FER1L6: variants seen among roughly 807,000 people sequenced by gnomAD.
FER1L6 encodes the protein fer-1 like family member 6.
Under a neutral mutation model 219.2 loss-of-function variants are expected in FER1L6, and 177 were observed. The observed-to-expected ratio is 0.81, with a 90% CI of 0.71 to 0.91. The LOEUF (loss-of-function observed/expected upper bound fraction) is 0.91. FER1L6 is among the 40% of genes least tolerant of loss of function. The pLI is 0.00. For missense variants in FER1L6, 2,153 were observed against 2,259.9 expected (o/e 0.95, Z 0.96); for synonymous variants, 768 against 824.3 (o/e 0.93, Z 1.17).
chr8:124,075,827 C>T (rs922082873), intron 31 of FER1L6, among the ~76,000 whole-genome samples: 1 of 152,168 alleles, frequency 6.6e-6, no homozygotes, highest in Non-Finnish European at 1.5e-5. Context: ...CATCATTAAG[C>T]GGTGCGTGAC....
At position 124,097,370 on chromosome 8, in the gene FER1L6, T is replaced by C. The variant is rs1383730863; in HGVS notation, c.4784+11T>C. 1.3e-6 allele frequency: 2 copies of C among 1,589,198 alleles called. No homozygotes were observed. Among genetic ancestry groups the C allele is most frequent in the Admixed American group, 3.4e-5 (2 of 59,536 alleles). ...AAGGCGACCCAAAGGGTATGTCAGC[T>C]GTAGCCCCAGCTTCAGGGGAAGAGA... is the stretch of plus-strand genomic sequence containing the variant. On this transcript the variant is annotated intron_variant, in intron 36 of 40. Transcript: ENST00000522917.
At chr8:124,092,241 T>C (rs552686814) in intron 34 of FER1L6, among the ~76,000 whole-genome samples, 3 of 152,346 alleles carry the variant, frequency 2.0e-5, no homozygotes, top group African/African-American at 7.2e-5. Context: ...TATGCCTTTT[T>C]ACGGTTATGC....
intron 1 of FER1L6, among the ~76,000 whole-genome samples, chr8:123,861,252 T>C (rs1816739871): frequency 2.5e-5 from 3 of 117,846 alleles, no homozygotes; most frequent in African/African-American, 1.1e-4. Context: ...CTTTCCCCAT[T>C]GCTTGTTTTT....
chr8:123,984,562 C>G (rs889520532), intron 11 of FER1L6: 7 of 152,070 alleles, frequency 4.6e-5, no homozygotes, highest in African/African-American at 1.7e-4. Flanking sequence ...TTAACCTCCT[C>G]CTAGAGAGTA....
chr8:123,905,246 C>T (rs1020884629), intron 1 of FER1L6, among the ~76,000 whole-genome samples: 3 of 152,184 alleles, frequency 2.0e-5, no homozygotes, highest in South Asian at 2.1e-4. Context: ...CCCCCCAACA[C>T]CCCTGGCAGG....
rs1489037396 is a variant in FER1L6, at chr8:124,101,349, G to T, written c.5125+11G>T. ...CAGATGACTTCCTGGGTAAGCCAGT[G>T]GCTTCATCAAGCACATATTAATGTT... is the stretch of plus-strand genomic sequence containing the variant. On this transcript the variant is annotated intron_variant, in intron 38 of 40. Coordinates refer to ENST00000522917, the MANE Select transcript of FER1L6 (RefSeq NM_001039112.2). 1.2e-6 allele frequency: 2 copies of T among 1,609,674 alleles called. No individual in the cohort carries two copies. The highest frequency in any genetic ancestry group is 3.3e-5 in the Admixed American group (2 of 59,840).
intron 5 of FER1L6, among the ~76,000 whole-genome samples, chr8:123,967,031 G>A (rs891452287): frequency 1.4e-5 from 2 of 147,944 alleles, no homozygotes; most frequent in African/African-American, 5.1e-5. Context: ...TCAGTGAGCC[G>A]AGATCGTGCC....
chr8:123,883,960 T>TG lies in FER1L6; in HGVS notation c.-8+31781dup, dbSNP rs1171789184. 1.3e-4 allele frequency among the ~76,000 whole-genome samples: 20 copies of TG among 152,332 alleles called. No individual in the cohort carries two copies. The East Asian group carries it at 3.9e-3, about 29-fold the overall frequency. On this transcript the variant is annotated intron_variant, in intron 1 of 40. Coordinates refer to ENST00000522917, the MANE Select transcript of FER1L6 (RefSeq NM_001039112.2). ...TAATTAAGTTTCAACTTGTGAATTT[T>TG]GGGGGGACACATTCAGAGCATGACA...
rs370236138 is a variant in FER1L6 at position 123,854,646 on chromosome 8, A to G, written c.-8+2461A>G. 2.0e-4 allele frequency among the ~76,000 whole-genome samples: 30 copies of G among 152,270 alleles called. No individual in the cohort carries two copies. In the East Asian group the frequency reaches 4.6e-3, roughly 24 times the overall value. The stretch of plus-strand genomic sequence containing the variant: ...TCCCTTTATTACCAAGGGTGTCTTC[A>G]CAGGCCCTTCTCATTTTGTCTAAGC... On this transcript the variant is annotated intron_variant, in intron 1 of 40. Coordinates refer to ENST00000522917, the MANE Select transcript of FER1L6 (RefSeq NM_001039112.2).
intron 26 of FER1L6, among the ~76,000 whole-genome samples, chr8:124,065,240 A>C (rs1447257989): frequency 6.6e-6 from 1 of 151,844 alleles, no homozygotes; most frequent in Non-Finnish European, 1.5e-5. Flanking sequence ...CTAAAAAAAA[A>C]AATACAAAAA....
rs117231989 is a variant in FER1L6, at chr8:123,906,790, A to G, written c.-7-49202A>G. Among the ~76,000 whole-genome samples the G allele has an allele frequency of 5.0e-3, 729 of 145,988 alleles. 2 individuals are homozygous for G. The highest frequency in any genetic ancestry group is 0.017 in the Middle Eastern group (5 of 292). On this transcript the variant is annotated intron_variant, in intron 1 of 40. Transcript: ENST00000522917. Reference sequence around the variant, plus strand: ...ACTCTAGCCTGCTGGGTAATAGAGCAAGACTTCATCTCCGGAAGAAAAAAA... The same window carrying G: ...ACTCTAGCCTGCTGGGTAATAGAGCGAGACTTCATCTCCGGAAGAAAAAAA...
At chr8:123,964,811 G>C (rs985413145) in intron 3 of FER1L6, among the ~76,000 whole-genome samples, 19 of 152,114 alleles carry the variant, frequency 1.2e-4, no homozygotes, top group African/African-American at 4.6e-4. Context: ...TGTGTACCCT[G>C]GTCCTCAAGA....
At chr8:124,034,931 C>T (rs1202275194) in intron 18 of FER1L6, among the ~76,000 whole-genome samples, 2 of 152,200 alleles carry the variant, frequency 1.3e-5, no homozygotes, top group Admixed American at 6.5e-5. Flanking sequence ...CCATCACAGG[C>T]AACTTACTTT....
intron 19 of FER1L6, among the ~76,000 whole-genome samples, chr8:124,037,043 G>A (rs1819248561): frequency 6.6e-6 from 1 of 152,210 alleles, no homozygotes; most frequent in Admixed American, 6.5e-5. Flanking sequence ...TAAAAAGCAA[G>A]CCATAGCACA....
chr8:124,032,902 A>T (rs1354428787), intron 18 of FER1L6, among the ~76,000 whole-genome samples: 2 of 152,260 alleles, frequency 1.3e-5, no homozygotes, highest in African/African-American at 2.4e-5. Flanking sequence ...GAGAAATCAG[A>T]TTCTCAAAAT....
intron 31 of FER1L6, among the ~76,000 whole-genome samples, chr8:124,073,611 C>A (rs1038850701): frequency 1.2e-4 from 18 of 151,910 alleles, no homozygotes; most frequent in Non-Finnish European, 2.5e-4. Flanking sequence ...CCATTTTTTT[C>A]TAGATTAGTA....
Position 124,049,683 on chromosome 8 carries a change from G to C in FER1L6, c.2801G>C (p.Arg934Thr), listed in dbSNP as rs762771706. 1.9e-6 allele frequency: 3 copies of C among 1,614,062 alleles called. No homozygotes were observed. The highest frequency in any genetic ancestry group is 1.7e-6 in the Non-Finnish European group (2 of 1,180,000). Reference protein sequence around the residue: ...KLADQDYEPPRLCYHPIFCGN... With the variant: ...KLADQDYEPPTLCYHPIFCGN... ...GCTGACCAGGACTATGAGCCCCCCA[G>C]GTTATGCTATCACCCCATCTTTTGT... The change falls in exon 22 of 41, where the codon AGG (arginine) becomes ACG (threonine). Residue 934 changes from arginine to threonine, a missense_variant. By Grantham distance (71) the Arg-to-Thr change is moderately conservative. Transcript: ENST00000522917.
At chr8:123,880,839 A>G (rs951063156) in intron 1 of FER1L6, among the ~76,000 whole-genome samples, 1 of 152,200 alleles carries the variant, frequency 6.6e-6, no homozygotes, top group Non-Finnish European at 1.5e-5. Flanking sequence ...TTCCTGCCTG[A>G]TATCTGATGA....
At chr8:123,900,913 G>A (rs1812844866) in intron 1 of FER1L6, among the ~76,000 whole-genome samples, 1 of 152,118 alleles carries the variant, frequency 6.6e-6, no homozygotes, top group Non-Finnish European at 1.5e-5. Flanking sequence ...CTAGTATTTT[G>A]TTAAGGATTT....
Sources: gnomAD v4.1 joint callset for allele counts (sites outside exome capture counted in the v4.1 genomes callset) on GRCh38, gnomAD v4.1.1 for gene constraint, MANE v1.5 for transcripts, NCBI Gene and HGNC (gene_info 2026-07-23, HGNC 2026-07-21) for gene names.